Variants in KCNK9 observed in about 807,000 individuals in gnomAD.
KCNK9 encodes potassium two pore domain channel subfamily K member 9, also known as potassium channel subfamily K member 9.
Under a neutral mutation model 10.8 loss-of-function variants are expected in KCNK9, and 1 was observed. The ratio of observed to expected loss-of-function variants is 0.09; its 90% confidence interval spans 0.03 to 0.44. KCNK9 has a LOEUF of 0.44. Among genes scored for constraint, KCNK9 ranks in the 20% least tolerant of loss-of-function variants. The probability of loss-of-function intolerance (pLI) is 0.97; values close to 1 mark genes in which losing one functional copy is unlikely to be tolerated. For synonymous variants in KCNK9, 231 were observed against 222.7 expected (o/e 1.04, Z -0.33); for missense variants, 303 against 515.0 (o/e 0.59, Z 3.98).
At chr8:139,651,064 A>C (rs971703676) in intron 1 of KCNK9, among the ~76,000 whole-genome samples, 2 of 152,074 alleles carry the variant, frequency 1.3e-5, no homozygotes, top group Non-Finnish European at 2.9e-5. Context: ...CCCAGCTGCA[A>C]GGCTATCAGG....
At chr8:139,637,391 A>C (rs1815369490) in intron 1 of KCNK9, among the ~76,000 whole-genome samples, 1 of 152,256 alleles carries the variant, frequency 6.6e-6, no homozygotes, top group South Asian at 2.1e-4. Context: ...GAATTAAAGG[A>C]AAGTGTGAGA....
At chr8:139,636,990 T>C (rs752099274) in intron 1 of KCNK9, among the ~76,000 whole-genome samples, 2 of 152,246 alleles carry the variant, frequency 1.3e-5, no homozygotes, top group African/African-American at 4.8e-5. Flanking sequence ...ACACAGCAGC[T>C]GTCCAAAGTA....
chr8:139,641,626 G>A (rs1024985455), intron 1 of KCNK9, among the ~76,000 whole-genome samples: 1 of 19,130 alleles, frequency 5.2e-5, no homozygotes, highest in African/African-American at 1.4e-4. Context: ...CAGCGCTCTG[G>A]CCTGCCCCCC....
At chr8:139,601,506 G>GT (rs922829059) in exon 3 of KCNK9, 43 of 152,330 alleles carry the variant, frequency 2.8e-4, no homozygotes, top group African/African-American at 1.0e-3. Context: ...GCCACTGCTG[G>GT]TTAAGAGATG....
downstream of KCNK9, among the ~76,000 whole-genome samples, chr8:139,608,144 C>G (rs1023574890): frequency 6.6e-5 from 10 of 152,196 alleles, no homozygotes; most frequent in Non-Finnish European, 1.0e-4. Flanking sequence ...ACTGACTCAC[C>G]CTTCTGTCTT....
chr8:139,688,327 A>C (rs1167209751), intron 1 of KCNK9, among the ~76,000 whole-genome samples: 2 of 152,238 alleles, frequency 1.3e-5, no homozygotes, highest in Non-Finnish European at 2.9e-5. Context: ...AAAACAGGTT[A>C]AATTTACTCA....
intron 1 of KCNK9, among the ~76,000 whole-genome samples, chr8:139,654,666 T>C (rs1486948132): frequency 1.3e-5 from 2 of 152,222 alleles, no homozygotes; most frequent in African/African-American, 4.8e-5. Context: ...CCTGTGCTAA[T>C]CCTTCCAGGC....
intron 1 of KCNK9, among the ~76,000 whole-genome samples, chr8:139,672,094 C>A (rs904418211): frequency 4.6e-5 from 7 of 152,190 alleles, no homozygotes; most frequent in Non-Finnish European, 1.0e-4. Flanking sequence ...CTGACCCCAG[C>A]AGCCACTCAC....
chr8:139,632,172 G>A (rs1174585510), intron 1 of KCNK9, among the ~76,000 whole-genome samples: 1 of 152,230 alleles, frequency 6.6e-6, no homozygotes, highest in Non-Finnish European at 1.5e-5. Flanking sequence ...ATGGGAGGTA[G>A]GGGGCTGGGG....
At chr8:139,689,874 C>T (rs992867967) in intron 1 of KCNK9, among the ~76,000 whole-genome samples, 1 of 152,148 alleles carries the variant, frequency 6.6e-6, no homozygotes, top group African/African-American at 2.4e-5. Flanking sequence ...GATCTCCTGA[C>T]CTCGTGATCT....
At chr8:139,605,702 AT>A (rs1034778929) in intron 2 of KCNK9, among the ~76,000 whole-genome samples, 5 of 152,266 alleles carry the variant, frequency 3.3e-5, no homozygotes, top group East Asian at 1.9e-4. Context: ...ACATTAAATG[AT>A]TTTTTTTCTG....
intron 1 of KCNK9, among the ~76,000 whole-genome samples, chr8:139,635,849 G>A (rs1815322147): frequency 6.6e-6 from 1 of 152,158 alleles, no homozygotes; most frequent in South Asian, 2.1e-4. Flanking sequence ...AGAGGAGGTG[G>A]TATAGAAGTA....
intron 1 of KCNK9, among the ~76,000 whole-genome samples, chr8:139,630,071 G>A (rs1815114086): frequency 6.6e-6 from 1 of 151,766 alleles, no homozygotes; most frequent in Non-Finnish European, 1.5e-5. Context: ...GGGAGCGGGC[G>A]TGGGGGGCGG....
chr8:139,643,830 TCAGGTAGGCCCG>T (rs889187790), intron 1 of KCNK9, among the ~76,000 whole-genome samples: 1 of 152,186 alleles, frequency 6.6e-6, no homozygotes, highest in Admixed American at 6.5e-5. Context: ...GCCGCCACCT[TCAGGTAGGCCCG>T]CAGGTTCAGC....
chr8:139,629,052 C>T (rs564121777), intron 1 of KCNK9, among the ~76,000 whole-genome samples: 22 of 152,244 alleles, frequency 1.4e-4, no homozygotes, highest in Non-Finnish European at 2.9e-4. Context: ...AGCTCTGTGG[C>T]TTCACCTCCC....
intron 2 of KCNK9, among the ~76,000 whole-genome samples, chr8:139,606,700 GT>G (rs1814230190): frequency 6.6e-6 from 1 of 152,192 alleles, no homozygotes; most frequent in African/African-American, 2.4e-5. Context: ...TGGACTGGAA[GT>G]TTTTCTCCTT....
At chr8:139,665,018 G>T (rs562337390) in intron 1 of KCNK9, among the ~76,000 whole-genome samples, 1 of 152,296 alleles carries the variant, frequency 6.6e-6, no homozygotes, top group South Asian at 2.1e-4. Context: ...TTCTACACAA[G>T]GTAACCAGGC....
At chr8:139,694,642 C>G (rs970310017) in intron 1 of KCNK9, among the ~76,000 whole-genome samples, 3 of 152,202 alleles carry the variant, frequency 2.0e-5, no homozygotes, top group Non-Finnish European at 4.4e-5. Context: ...CCCCCACTCT[C>G]CAGATGCCTG....
intron 2 of KCNK9, among the ~76,000 whole-genome samples, chr8:139,603,046 G>A (rs1333565842): frequency 2.6e-5 from 4 of 152,080 alleles, no homozygotes; most frequent in Admixed American, 6.5e-5. Context: ...GTGCTCCTAC[G>A]GTTCTCATCA....
Sources: allele counts gnomAD v4.1 joint callset (sites outside exome capture counted in the v4.1 genomes callset), GRCh38; gene constraint gnomAD v4.1.1; transcripts MANE v1.5; gene names NCBI Gene and HGNC (gene_info 2026-07-23, HGNC 2026-07-21).